Variants in TMTC2 observed in about 807,000 individuals in gnomAD.
TMTC2 encodes the protein protein O-mannosyl-transferase TMTC2.
Under a neutral mutation model 82.4 loss-of-function variants are expected in TMTC2, and 43 were observed. The observed-to-expected ratio is 0.52, with a 90% confidence interval of 0.41 to 0.67. The LOEUF (loss-of-function observed/expected upper bound fraction) is 0.67, where lower values mean the gene tolerates loss of function less well. Ranked by LOEUF, TMTC2 falls within the 30% of genes least tolerant of loss-of-function variation. The pLI is 0.00. For missense variants in TMTC2, 919 were observed against 1,012.4 expected (o/e 0.91, Z 1.25); for synonymous variants, 408 against 381.9 (o/e 1.07, Z -0.80).
At chr12:82,809,668 G>A (rs894556918) in intron 1 of TMTC2, among the ~76,000 whole-genome samples, 1 of 152,138 alleles carries the variant, frequency 6.6e-6, no homozygotes, top group African/African-American at 2.4e-5. Flanking sequence ...CCCTGGGATT[G>A]AGTACGTGTT....
At chr12:82,853,740 C>A (rs1871106680) in intron 1 of TMTC2, among the ~76,000 whole-genome samples, 1 of 152,098 alleles carries the variant, frequency 6.6e-6, no homozygotes, top group South Asian at 2.1e-4. Context: ...TTCTCACTGC[C>A]TTGACAAAGC....
chr12:83,120,169 T>C (rs1884902190), intron 11 of TMTC2, among the ~76,000 whole-genome samples: 1 of 152,232 alleles, frequency 6.6e-6, no homozygotes, highest in Non-Finnish European at 1.5e-5. Context: ...ATTTCATTCA[T>C]CGTGCTATTT....
chr12:82,847,261 T>C (rs961502192), intron 1 of TMTC2, among the ~76,000 whole-genome samples: 5 of 152,152 alleles, frequency 3.3e-5, no homozygotes, highest in Non-Finnish European at 7.3e-5. Flanking sequence ...TGGTGGTTTT[T>C]CACAGTTAAT....
chr12:83,052,566 C>T (rs778835608), intron 10 of TMTC2, among the ~76,000 whole-genome samples: 2 of 152,120 alleles, frequency 1.3e-5, no homozygotes, highest in Middle Eastern at 3.4e-3. Flanking sequence ...TGCTTTCAGC[C>T]ACAATAAACA....
intron 11 of TMTC2, among the ~76,000 whole-genome samples, chr12:83,113,242 A>C (rs1269986328): frequency 6.6e-6 from 1 of 152,178 alleles, no homozygotes; most frequent in African/African-American, 2.4e-5. Context: ...CTGCTCAGAG[A>C]AGAGATAAGA....
chr12:82,892,041 G>A lies in TMTC2; in HGVS notation c.655-3777G>A, dbSNP rs544514241. On this transcript the variant is annotated intron_variant, in intron 2 of 11. Coordinates refer to ENST00000321196, the MANE Select transcript of TMTC2 (RefSeq NM_152588.3). ...TGATTGTACCACTGCACTCCAGCCT[G>A]GGTGAGAGAGCAAGACCCTGTCTTA... Among the ~76,000 whole-genome samples the A allele has an allele frequency of 2.3e-3, 345 of 152,238 alleles. 2 individuals are homozygous for A. The highest frequency in any genetic ancestry group is 7.9e-3 in the African/African-American group (328 of 41,528).
intron 11 of TMTC2, among the ~76,000 whole-genome samples, chr12:83,113,092 G>C (rs1472851042): frequency 6.6e-6 from 1 of 152,082 alleles, no homozygotes; most frequent in Non-Finnish European, 1.5e-5. Flanking sequence ...TACTTTCGAG[G>C]CCAACAGTTG....
chr12:82,781,953 C>T (rs941781781), intron 1 of TMTC2, among the ~76,000 whole-genome samples: 1 of 152,044 alleles, frequency 6.6e-6, no homozygotes, highest in African/African-American at 2.4e-5. Flanking sequence ...CTTTAGAAAG[C>T]AGGGCCTTCC....
intron 1 of TMTC2, among the ~76,000 whole-genome samples, chr12:82,730,592 T>C (rs1874743663): frequency 6.6e-6 from 1 of 152,188 alleles, no homozygotes; most frequent in Non-Finnish European, 1.5e-5. Context: ...GATTAGCACT[T>C]TTAGCACACT....
At chr12:83,001,459 G>A (rs1432355544) in intron 8 of TMTC2, among the ~76,000 whole-genome samples, 1 of 114,398 alleles carries the variant, frequency 8.7e-6, no homozygotes, top group Non-Finnish European at 1.9e-5. Context: ...CCGACATGGA[G>A]TAACCCCGTC....
Position 82,690,757 on chromosome 12 carries a change from T to C in TMTC2, c.83+3088T>C, listed in dbSNP as rs79781834. ...ATCTTAAGTTGTGGTTAGAGGAAAA[T>C]TGAAATTAACAATATGCAGTCTTTG... is the stretch of plus-strand genomic sequence containing the variant. On this transcript the variant is annotated intron_variant, in intron 1 of 11. Transcript: ENST00000321196. Among the ~76,000 whole-genome samples the C allele has an allele frequency of 2.0e-3, 310 of 152,258 alleles. 2 individuals are homozygous for C. The highest frequency in any genetic ancestry group is 7.0e-3 in the African/African-American group (292 of 41,542).
At chr12:82,915,980 G>A (rs1874977852) in intron 3 of TMTC2, among the ~76,000 whole-genome samples, 1 of 152,146 alleles carries the variant, frequency 6.6e-6, no homozygotes, top group Non-Finnish European at 1.5e-5. Flanking sequence ...GATTGTTTGA[G>A]GCCAGAAGTT....
At chr12:82,873,952 T>G (rs1482008294) in intron 2 of TMTC2, among the ~76,000 whole-genome samples, 1 of 152,224 alleles carries the variant, frequency 6.6e-6, no homozygotes, top group African/African-American at 2.4e-5. Context: ...GCAAATTCAC[T>G]ACTGAACAAT....
At chr12:82,888,909 A>AGAACATG (rs370634088) in intron 2 of TMTC2, among the ~76,000 whole-genome samples, 114 of 152,356 alleles carry the variant, frequency 7.5e-4, no homozygotes, top group African/African-American at 2.6e-3. Flanking sequence ...TAAGTATATT[A>AGAACATG]GAACATGGAA....
At chr12:82,761,942 CTTTCT>C (rs778382506) in intron 1 of TMTC2, among the ~76,000 whole-genome samples, 20 of 129,600 alleles carry the variant, frequency 1.5e-4, no homozygotes, top group Non-Finnish European at 2.9e-4. Flanking sequence ...TTCCTTCCTT[CTTTCT>C]TTCCTTTCCT....
intron 1 of TMTC2, among the ~76,000 whole-genome samples, chr12:82,778,155 A>G (rs1290792953): frequency 6.6e-6 from 1 of 152,024 alleles, no homozygotes; most frequent in East Asian, 1.9e-4. Flanking sequence ...TAATTATTTT[A>G]TGTACAATAG....
At chr12:82,796,914 G>A (rs918733484) in intron 1 of TMTC2, among the ~76,000 whole-genome samples, 2 of 152,056 alleles carry the variant, frequency 1.3e-5, no homozygotes, top group Non-Finnish European at 2.9e-5. Flanking sequence ...TCATATTTTT[G>A]TGAAGTTTTA....
At position 82,881,026 on chromosome 12, in the gene TMTC2, G is replaced by A. The variant is rs147480652; in HGVS notation, c.655-14792G>A. On this transcript the variant is annotated intron_variant, in intron 2 of 11. Coordinates refer to ENST00000321196, the MANE Select transcript of TMTC2 (RefSeq NM_152588.3). Reference sequence around the variant, plus strand: ...CTCTGGAGTTTGTTTTATTGATAATGCTAAAACTCAAAGATACACATCTTA... The same window carrying A: ...CTCTGGAGTTTGTTTTATTGATAATACTAAAACTCAAAGATACACATCTTA... Among the ~76,000 whole-genome samples, 4 of 152,140 alleles carry A rather than the reference G, an allele frequency of 2.6e-5. No homozygotes were observed. In the East Asian group the frequency reaches 7.7e-4, roughly 29 times the overall value.
At chr12:82,841,417 C>T (rs1870328974) in intron 1 of TMTC2, among the ~76,000 whole-genome samples, 2 of 152,144 alleles carry the variant, frequency 1.3e-5, no homozygotes, top group South Asian at 4.1e-4. Context: ...CCTTCCATGA[C>T]AAATTAGAGT....
Sources: allele counts gnomAD v4.1 joint callset (sites outside exome capture counted in the v4.1 genomes callset), GRCh38; gene constraint gnomAD v4.1.1; transcripts MANE v1.5; gene names NCBI Gene and HGNC (gene_info 2026-07-23, HGNC 2026-07-21).